Variants in RALYL observed in about 807,000 individuals in gnomAD.
The protein encoded by RALYL is RALY RNA binding protein like, also known as RNA-binding Raly-like protein.
Under a neutral mutation model 35.1 loss-of-function variants are expected in RALYL, and 29 were observed. That is an observed-to-expected ratio of 0.83 (90% CI 0.61 to 1.13). The LOEUF is 1.13. RALYL is among the 50% of genes most tolerant of loss of function. The pLI is 0.00. For missense variants in RALYL, 359 were observed against 360.4 expected (o/e 1.00, Z 0.03); for synonymous variants, 120 against 127.6 (o/e 0.94, Z 0.40).
chr8:84,226,163 C>T (rs1478802924), intron 1 of RALYL, among the ~76,000 whole-genome samples: 4 of 152,114 alleles, frequency 2.6e-5, no homozygotes, highest in African/African-American at 9.7e-5. Context: ...AGCGTGAACC[C>T]TATTGTCAAC....
chr8:84,360,021 C>A (rs1226563306), intron 1 of RALYL, among the ~76,000 whole-genome samples: 6 of 151,884 alleles, frequency 4.0e-5, no homozygotes, highest in Non-Finnish European at 4.4e-5. Context: ...TACAGGCATG[C>A]ACCAGCACGC....
intron 8 of RALYL, among the ~76,000 whole-genome samples, chr8:84,899,417 ATC>A (rs762363310): frequency 3.9e-5 from 6 of 152,174 alleles, no homozygotes; most frequent in Admixed American, 1.3e-4. Flanking sequence ...GTTCATAAAT[ATC>A]TGTTAAAGAA....
intron 3 of RALYL, among the ~76,000 whole-genome samples, chr8:84,794,909 A>G (rs920594488): frequency 6.6e-6 from 1 of 152,180 alleles, no homozygotes; most frequent in African/African-American, 2.4e-5. Context: ...TTAATTTCCA[A>G]TGTGGCAAAA....
chr8:84,709,631 A>G (rs1299757390), intron 2 of RALYL, among the ~76,000 whole-genome samples: 2 of 151,790 alleles, frequency 1.3e-5, no homozygotes, highest in Non-Finnish European at 2.9e-5. Flanking sequence ...AAAACTTCAT[A>G]CTCCCGAAGG....
At chr8:84,687,595 A>G (rs1024608557) in intron 2 of RALYL, among the ~76,000 whole-genome samples, 1 of 152,110 alleles carries the variant, frequency 6.6e-6, no homozygotes, top group Non-Finnish European at 1.5e-5. Flanking sequence ...CAGTTACTTG[A>G]AACACAAAAA....
intron 2 of RALYL, among the ~76,000 whole-genome samples, chr8:84,605,743 T>C (rs570492785): frequency 1.8e-3 from 271 of 152,248 alleles, no homozygotes; most frequent in Middle Eastern, 6.8e-3. Context: ...CTCCCTATTG[T>C]GTTGGCCCAA....
At chr8:84,495,650 T>C (rs933011854) in intron 1 of RALYL, among the ~76,000 whole-genome samples, 2 of 152,146 alleles carry the variant, frequency 1.3e-5, no homozygotes, top group African/African-American at 4.8e-5. Flanking sequence ...AACTATCTCA[T>C]TGACCTTTCA....
chr8:84,759,520 G>T (rs1223197468), intron 2 of RALYL, among the ~76,000 whole-genome samples: 1 of 152,102 alleles, frequency 6.6e-6, no homozygotes, highest in Non-Finnish European at 1.5e-5. Flanking sequence ...ATCTATGGTT[G>T]CCCAGATTAA....
chr8:84,514,556 C>A (rs1291993160), intron 1 of RALYL, among the ~76,000 whole-genome samples: 2 of 152,108 alleles, frequency 1.3e-5, no homozygotes, highest in Non-Finnish European at 2.9e-5. Flanking sequence ...GAGAGAGAAG[C>A]AAAAGGGTCT....
intron 1 of RALYL, among the ~76,000 whole-genome samples, chr8:84,420,545 G>A (rs1277373739): frequency 2.1e-5 from 3 of 145,070 alleles, no homozygotes; most frequent in Non-Finnish European, 4.5e-5. Flanking sequence ...AAGCTCTTTA[G>A]TTTAATTAGA....
intron 2 of RALYL, among the ~76,000 whole-genome samples, chr8:84,558,584 T>A (rs1047818534): frequency 6.6e-6 from 1 of 152,196 alleles, no homozygotes; most frequent in African/African-American, 2.4e-5. Context: ...GTGCTATTTC[T>A]GTTAGTTTAA....
At chr8:84,401,548 G>A (rs1165232545) in intron 1 of RALYL, among the ~76,000 whole-genome samples, 1 of 140,658 alleles carries the variant, frequency 7.1e-6, no homozygotes, top group Non-Finnish European at 1.5e-5. Flanking sequence ...TGAGGCAGGA[G>A]AATGGCATGA....
At chr8:84,803,082 A>C (rs1262374539) in intron 3 of RALYL, among the ~76,000 whole-genome samples, 1 of 152,228 alleles carries the variant, frequency 6.6e-6, no homozygotes, top group Non-Finnish European at 1.5e-5. Flanking sequence ...TAGTGTATAG[A>C]AAATGGGGAA....
At chr8:84,297,324 G>A (rs1239149288) in intron 1 of RALYL, among the ~76,000 whole-genome samples, 2 of 152,150 alleles carry the variant, frequency 1.3e-5, no homozygotes, top group East Asian at 1.9e-4. Context: ...TTCTGTTCCT[G>A]TGTTAGTTCA....
At chr8:84,708,222 A>G (rs968494856) in intron 2 of RALYL, among the ~76,000 whole-genome samples, 8 of 152,130 alleles carry the variant, frequency 5.3e-5, no homozygotes, top group African/African-American at 1.9e-4. Context: ...AAAGGAGAGA[A>G]CAAAAATACT....
Position 84,425,130 on chromosome 8 carries a change from C to T in RALYL, c.-23-104169C>T, listed in dbSNP as rs1432974165. Reference sequence around the variant, plus strand: ...TTACCTAAGCAAGCCTGGGCAATGGCGGACGCCCCTCCCCCAGCCTCGCTG... The same window carrying T: ...TTACCTAAGCAAGCCTGGGCAATGGTGGACGCCCCTCCCCCAGCCTCGCTG... On this transcript the variant is annotated intron_variant, in intron 1 of 8. Transcript: ENST00000521268. Among the ~76,000 whole-genome samples the T allele has an allele frequency of 1.3e-5, 2 of 152,300 alleles. 1 individual carries two copies.
intron 1 of RALYL, among the ~76,000 whole-genome samples, chr8:84,502,650 T>C (rs781622053): frequency 6.6e-6 from 1 of 152,058 alleles, no homozygotes; most frequent in Non-Finnish European, 1.5e-5. Flanking sequence ...TTTTTCTTCC[T>C]GTGTGTTTTC....
chr8:84,443,289 G>A (rs1202330993), intron 1 of RALYL, among the ~76,000 whole-genome samples: 1 of 152,088 alleles, frequency 6.6e-6, no homozygotes, highest in Admixed American at 6.6e-5. Flanking sequence ...GTCTCAAAGA[G>A]TATTACCTCT....
chr8:84,608,084 G>A (rs1443790244), intron 2 of RALYL, among the ~76,000 whole-genome samples: 2 of 151,998 alleles, frequency 1.3e-5, no homozygotes, highest in Non-Finnish European at 2.9e-5. Flanking sequence ...AGCTGTTTAT[G>A]GACATGCTTT....
Sources: allele counts gnomAD v4.1 joint callset (sites outside exome capture counted in the v4.1 genomes callset), GRCh38; gene constraint gnomAD v4.1.1; transcripts MANE v1.5; gene names NCBI Gene and HGNC (gene_info 2026-07-23, HGNC 2026-07-21).